The following FOXP1 variants were observed in gnomAD, a reference collection of about 807,000 sequenced individuals.
FOXP1 encodes forkhead box P1, also known as forkhead box protein P1.
Under a neutral mutation model 98.2 loss-of-function variants are expected in FOXP1, and 15 were observed. The observed-to-expected ratio is 0.15, with a 90% CI of 0.10 to 0.24. The LOEUF (loss-of-function observed/expected upper bound fraction) is 0.24, where lower values mean the gene tolerates loss of function less well. Ranked by LOEUF, FOXP1 falls within the 10% of genes least tolerant of loss-of-function variation. The pLI is 1.00. For synonymous variants in FOXP1, 371 were observed against 314.5 expected (o/e 1.18, Z -1.90); for missense variants, 633 against 848.5 (o/e 0.75, Z 3.15).
chr3:71,507,128 G>A (rs1323782324), intron 2 of FOXP1, among the ~76,000 whole-genome samples: 3 of 152,156 alleles, frequency 2.0e-5, no homozygotes, highest in Non-Finnish European at 4.4e-5. Context: ...TTGGGTCAGC[G>A]AACCACAGAA....
At chr3:71,123,225 C>A (rs190043452) in intron 6 of FOXP1, among the ~76,000 whole-genome samples, 1 of 152,178 alleles carries the variant, frequency 6.6e-6, no homozygotes, top group Admixed American at 6.5e-5. Context: ...TATCCCTAGA[C>A]CCAAGGGACC....
At chr3:71,308,705 A>C (rs142459793) in intron 4 of FOXP1, among the ~76,000 whole-genome samples, 34 of 151,356 alleles carry the variant, frequency 2.2e-4, no homozygotes, top group African/African-American at 8.0e-4. Context: ...AATAAACTGG[A>C]ACTGTAAAAA....
chr3:71,381,252 G>A (rs944256417), intron 3 of FOXP1, among the ~76,000 whole-genome samples: 1 of 150,224 alleles, frequency 6.7e-6, no homozygotes, highest in Non-Finnish European at 1.5e-5. Flanking sequence ...CCGGGTTCAC[G>A]CCATTCTCCT....
intron 2 of FOXP1, among the ~76,000 whole-genome samples, chr3:71,575,498 C>T (rs2047659077): frequency 6.6e-6 from 1 of 152,052 alleles, no homozygotes; most frequent in East Asian, 1.9e-4. Flanking sequence ...TGAGCGAGGA[C>T]CTCACTTTGA....
At chr3:71,224,215 C>A (rs905805004) in intron 5 of FOXP1, among the ~76,000 whole-genome samples, 3 of 152,114 alleles carry the variant, frequency 2.0e-5, no homozygotes, top group African/African-American at 7.2e-5. Flanking sequence ...ACCATAAACA[C>A]TGGGATTGAT....
chr3:71,197,774 C>T, intron 6 of FOXP1: 2 of 1,074,150 alleles, frequency 1.9e-6, no homozygotes, highest in Non-Finnish European at 2.7e-6. Context: ...TCTCCTTACT[C>T]ATCTACTCTT....
In FOXP1 at chr3:71,582,622, T is replaced by G. The variant is rs1003249575; in HGVS notation, c.-446-925A>C. 3.0e-6 allele frequency: 3 copies of G among 985,164 alleles called. No individual in the cohort carries two copies. In the East Asian group the frequency reaches 3.4e-4, roughly 112 times the overall value. The allele number at this position is 985,164 out of a possible 1,614,324, so 61.0% of individuals were successfully genotyped here. A position where few individuals can be genotyped will look rare whatever the true frequency, so the allele number is the denominator to read the frequency against. On this transcript the variant is annotated intron_variant, in intron 1 of 20. Transcript: ENST00000649528. ...CCCCAAGCTTCAGAGGGGGGTAAAA[T>G]CAGAAAATGTGTGTGATGGTGGGAG...
intron 6 of FOXP1, among the ~76,000 whole-genome samples, chr3:71,115,861 C>T (rs1472455471): frequency 2.6e-5 from 4 of 151,556 alleles, no homozygotes; most frequent in East Asian, 3.9e-4. Flanking sequence ...CCAAGCCTCC[C>T]GAGTAGCTGG....
intron 5 of FOXP1, among the ~76,000 whole-genome samples, chr3:71,287,506 G>A (rs548904661): frequency 2.0e-5 from 3 of 151,998 alleles, no homozygotes; most frequent in Admixed American, 1.3e-4. Context: ...AGGGCCAAGC[G>A]CTGTGGCTCA....
chr3:71,185,166 C>T (rs2062571695), intron 6 of FOXP1, among the ~76,000 whole-genome samples: 1 of 151,912 alleles, frequency 6.6e-6, no homozygotes, highest in South Asian at 2.1e-4. Context: ...GCACTCTAGA[C>T]TGGATGACAG....
At chr3:71,383,734 C>T (rs2080356036) in intron 3 of FOXP1, among the ~76,000 whole-genome samples, 1 of 152,082 alleles carries the variant, frequency 6.6e-6, no homozygotes, top group South Asian at 2.1e-4. Context: ...GACCAGGCCC[C>T]CTTGAACCTG....
chr3:71,347,927 T>C (rs985191022), intron 4 of FOXP1, among the ~76,000 whole-genome samples: 1 of 151,322 alleles, frequency 6.6e-6, no homozygotes, highest in Non-Finnish European at 1.5e-5. Flanking sequence ...TACACAGGGA[T>C]ACAGTCCAAG....
At chr3:71,410,541 T>A (rs2082654887) in intron 3 of FOXP1, among the ~76,000 whole-genome samples, 1 of 152,246 alleles carries the variant, frequency 6.6e-6, no homozygotes, top group South Asian at 2.1e-4. Flanking sequence ...CTTATGATTA[T>A]GCAGTCAAAA....
chr3:71,191,279 A>C (rs1283658428), intron 6 of FOXP1, among the ~76,000 whole-genome samples: 1 of 152,260 alleles, frequency 6.6e-6, no homozygotes, highest in African/African-American at 2.4e-5. Context: ...CTAATCTGTC[A>C]ACAAATTACC....
At chr3:71,110,153 G>T (rs918717439) in intron 7 of FOXP1, among the ~76,000 whole-genome samples, 12 of 152,070 alleles carry the variant, frequency 7.9e-5, no homozygotes, top group Admixed American at 1.3e-4. Flanking sequence ...AGAAGAAAAA[G>T]AGCCCTCAAA....
intron 3 of FOXP1, among the ~76,000 whole-genome samples, chr3:71,366,781 G>A (rs920055748): frequency 6.6e-5 from 10 of 152,106 alleles, no homozygotes; most frequent in Non-Finnish European, 1.5e-4. Context: ...GGTATCTTAC[G>A]CACTCAATTA....
chr3:71,113,528 C>T (rs1318417197), intron 6 of FOXP1, among the ~76,000 whole-genome samples: 1 of 152,038 alleles, frequency 6.6e-6, no homozygotes, highest in African/African-American at 2.4e-5. Flanking sequence ...GCCTGGCCAA[C>T]ATGGTGAAAC....
In FOXP1 at chr3:71,064,389, G is replaced by T. The variant is rs1197525871; in HGVS notation, c.283-10616C>A. 5.3e-5 allele frequency among the ~76,000 whole-genome samples: 8 copies of T among 152,298 alleles called. No individual in the cohort carries two copies. In the East Asian group the frequency reaches 1.5e-3, roughly 29 times the overall value. On this transcript the variant is annotated intron_variant, in intron 7 of 20. Coordinates refer to ENST00000649528, the MANE Select transcript of FOXP1 (RefSeq NM_001349338.3). Reference sequence around the variant, plus strand: ...CCCAGATACGTCCCCCGAACGGAGTGATGGCGAGGGCTTCACCAAAGTGGC... The same window carrying T: ...CCCAGATACGTCCCCCGAACGGAGTTATGGCGAGGGCTTCACCAAAGTGGC...
chr3:71,467,796 T>G (rs2088925962), intron 3 of FOXP1, among the ~76,000 whole-genome samples: 1 of 152,212 alleles, frequency 6.6e-6, no homozygotes, highest in African/African-American at 2.4e-5. Context: ...GATCTCCCTC[T>G]TTGAGTTTCT....
Sources: gnomAD v4.1 joint callset for allele counts (sites outside exome capture counted in the v4.1 genomes callset) on GRCh38, gnomAD v4.1.1 for gene constraint, MANE v1.5 for transcripts, NCBI Gene and HGNC (gene_info 2026-07-23, HGNC 2026-07-21) for gene names.